EPS8L1: variants seen among roughly 807,000 people sequenced by gnomAD.
EPS8L1 encodes the protein EPS8 signaling adaptor L1.
A neutral mutation model predicts 91.7 loss-of-function variants in EPS8L1; 101 were observed. That is an observed-to-expected ratio of 1.10 (90% CI 0.94 to 1.30). The LOEUF is 1.30. EPS8L1 is among the 50% of genes most tolerant of loss of function. The pLI, the probability that EPS8L1 is intolerant of heterozygous loss-of-function variation, is 0.00. For missense variants in EPS8L1, 1,114 were observed against 1,017.0 expected, an observed-to-expected ratio of 1.10 and a Z score of -1.30; for synonymous variants, 506 against 445.3, an observed-to-expected ratio of 1.14 and a Z score of -1.72.
intron 19 of EPS8L1, 35 bp from the exon 20 acceptor site, chr19:55,087,493 C>T (rs745893794): frequency 5.0e-6 from 8 of 1,614,000 alleles, no homozygotes; most frequent in Non-Finnish European, 5.1e-6. Flanking sequence ...AGGGCTCGGA[C>T]GCCAGGACAA....
intron 2 of EPS8L1, among the ~76,000 whole-genome samples, chr19:55,077,267 TACC>T (rs1014195246): frequency 6.6e-6 from 1 of 152,172 alleles, no homozygotes; most frequent in Non-Finnish European, 1.5e-5. Flanking sequence ...CTACTTCAGA[TACC>T]ACTAATGCTA....
Position 55,086,784 on chromosome 19 carries a change from G to T in EPS8L1, c.1848G>T (p.Pro616=). 1.2e-6 allele frequency: 2 copies of T among 1,607,646 alleles called. No individual in the cohort carries two copies. The highest frequency in any genetic ancestry group is 2.2e-5 in the South Asian group (2 of 90,518). Residue 616 remains proline (P), a synonymous_variant, in exon 18 of 20, where the codon CCG becomes CCT. Transcript: ENST00000201647. Reference sequence around the variant, plus strand: ...GCCTGGCCCAGGGCCGCTCGGGACCGAGCCGCGCAGTCCCAGGGCCCCGCG... The same window carrying T: ...GCCTGGCCCAGGGCCGCTCGGGACCTAGCCGCGCAGTCCCAGGGCCCCGCG... The part of the protein sequence containing the change: ...QARLAQGRSG[P]SRAVPGPRAP...
At chr19:55,079,412 G>A (rs941485014) in intron 4 of EPS8L1, among the ~76,000 whole-genome samples, 5 of 152,120 alleles carry the variant, frequency 3.3e-5, no homozygotes, top group South Asian at 2.1e-4. Flanking sequence ...CAGGAGACCC[G>A]AGGAGGCATT....
chr19:55,083,707 A>G lies in EPS8L1; in HGVS notation c.1385+63A>G. 6.4e-7 allele frequency: 1 copy of G among 1,555,694 alleles called. No individual in the cohort carries two copies. The highest frequency in any genetic ancestry group is 1.4e-5 in the African/African-American group (1 of 73,688). On this transcript the variant is annotated intron_variant, in intron 14 of 19. Transcript: ENST00000201647. This position sits in a 1 kb window ranked among gnomAD's most constrained non-coding sequence, Gnocchi z 4.7. Reference sequence around the variant, plus strand: ...GAGGGGTGCGTCCCGGGGGCTCCCGATGCTGACTCCGCCCCCTTTTTTTCT... The same window carrying G: ...GAGGGGTGCGTCCCGGGGGCTCCCGGTGCTGACTCCGCCCCCTTTTTTTCT...
rs1422608568 is a variant in EPS8L1 at position 55,086,803 on chromosome 19, C to T, written c.1867C>T (p.Pro623Ser). Residue 623 changes from proline (P) to serine (S), a missense_variant, in exon 18 of 20, where the codon CCC becomes TCC. By Grantham distance (74) the Pro-to-Ser change is moderately conservative. Transcript: ENST00000201647. ...GGGACCGAGCCGCGCAGTCCCAGGG[C>T]CCCGCGCCCCGGAACCGCAGCTCAG... ...RSGPSRAVPG[P>S]RAPEPQLSPG... 34 of 1,595,422 alleles carry T rather than the reference C, an allele frequency of 2.1e-5. No homozygotes were observed. The highest frequency in any genetic ancestry group is 6.7e-5 in the South Asian group (6 of 89,356).
rs1226528434 is a variant in EPS8L1 at position 55,081,937 on chromosome 19, C to T, written c.901+38C>T. 1 of 1,593,186 alleles carries T rather than the reference C, an allele frequency of 6.3e-7. No homozygotes were observed. The highest frequency in any genetic ancestry group is 1.3e-5 in the African/African-American group (1 of 74,398). On this transcript the variant is annotated intron_variant, in intron 9 of 19. Coordinates refer to ENST00000201647, the MANE Select transcript of EPS8L1 (RefSeq NM_133180.3). This position sits in a 1 kb window ranked among gnomAD's most constrained non-coding sequence, Gnocchi z 4.9. ...CTGGCGTGGGATCTGAACCCCCTCC[C>T]GATCTCTTCCAAATGTCCCCGCTCT...
chr19:55,082,679 A>T, intron 12 of EPS8L1, 77 bp downstream of exon 12: 1 of 1,372,764 alleles, frequency 7.3e-7, no homozygotes, highest in Non-Finnish European at 9.8e-7. Flanking sequence ...TGGCATGATG[A>T]TTGGAAAATA....
At chr19:55,087,266 C>G in intron 18 of EPS8L1, 37 bp from the exon 19 acceptor site, 1 of 1,563,610 alleles carries the variant, frequency 6.4e-7, no homozygotes, top group Admixed American at 1.9e-5. Flanking sequence ...GGGCATCCGC[C>G]GACCGGCCTG....
At chr19:55,077,042 C>T (rs889989298) in intron 2 of EPS8L1, among the ~76,000 whole-genome samples, 15 of 152,078 alleles carry the variant, frequency 9.9e-5, no homozygotes, top group Non-Finnish European at 1.6e-4. Context: ...CTGGCAGGAG[C>T]AGGATGAGGA....
At position 55,081,076 on chromosome 19, in the gene EPS8L1, C is replaced by T; in HGVS notation, c.513-155C>T. 1 of 1,019,816 alleles carries T rather than the reference C, an allele frequency of 9.8e-7. No homozygotes were observed. Among genetic ancestry groups the T allele is most frequent in the Non-Finnish European group, 1.4e-6 (1 of 721,482 alleles). The allele number at this position is 1,019,816 out of a possible 1,614,324, so 63.2% of individuals were successfully genotyped here. ...CCCTCAGTTTCACTCTAGAGAGGTG[C>T]TATCCCTCCGTATATCGGATTTCTC... On this transcript the variant is annotated intron_variant, in intron 7 of 19. Transcript: ENST00000201647. The surrounding 1 kb of genome is among the most constrained non-coding windows in gnomAD (Gnocchi z 4.9).
chr19:55,076,546 C>T (rs2076139098), intron 2 of EPS8L1, 85 bp downstream of exon 2: 1 of 1,503,068 alleles, frequency 6.7e-7, no homozygotes, highest in Non-Finnish European at 9.1e-7. Flanking sequence ...TTGCGGCAGC[C>T]CAGACTGTTT....
chr19:55,080,225 G>A lies in EPS8L1; in HGVS notation c.376G>A (p.Glu126Lys), dbSNP rs1365602115. The change falls in exon 6 of 20, where the codon GAA becomes AAA. Residue 126 changes from glutamate to lysine, a missense_variant. By Grantham distance (56) the Glu-to-Lys change is moderately conservative. Transcript: ENST00000201647. The stretch of plus-strand genomic sequence containing the variant: ...CTCGTTGCTGCTGCTCGTGTGCCAG[G>A]AACCCGAGCGCGCGCAGCCCGACGT... ...SRSLLLLVCQ[E>K]PERAQPDVHF... is the part of the protein sequence containing the mutation. 6.5e-7 allele frequency: 1 copy of A among 1,538,558 alleles called. No homozygotes were observed. Among genetic ancestry groups the A allele is most frequent in the Admixed American group, 2.0e-5 (1 of 50,550 alleles).
Position 55,086,886 on chromosome 19 carries a change from C to T in EPS8L1, c.1950C>T (p.Ser650=), listed in dbSNP as rs1445619988. 5 of 1,432,354 alleles carry T rather than the reference C, an allele frequency of 3.5e-6. No homozygotes were observed. Among genetic ancestry groups the T allele is most frequent in the South Asian group, 1.5e-5 (1 of 66,856 alleles). 88.7% of individuals were successfully genotyped at this position (1,432,354 alleles called of 1,614,324 possible). A position where few individuals can be genotyped will look rare whatever the true frequency, so the allele number is the denominator to read the frequency against. Residue 650 remains serine, a splice_region_variant and synonymous_variant, in exon 18 of 20, where the codon TCC becomes TCT. Transcript: ENST00000201647. ...RAWLQAKGFS[S]GTVDALGVLT... ...GGCTGCAGGCCAAGGGCTTTAGCTC[C>T]GGGTGAGTGGGGCCGGGGCCCTCTC...
chr19:55,083,146 T>C lies in EPS8L1; in HGVS notation c.1215-232T>C, dbSNP rs2076306495. ...CCTGGCCTCAAGCGATCCTCCCATCTTGGCCTCCCAAAATGCTGGGATTAC... is the reference window on the plus strand; with the variant it reads ...CCTGGCCTCAAGCGATCCTCCCATCCTGGCCTCCCAAAATGCTGGGATTAC... On this transcript the variant is annotated intron_variant, in intron 12 of 19. Coordinates refer to ENST00000201647, the MANE Select transcript of EPS8L1 (RefSeq NM_133180.3). The surrounding 1 kb of genome is among the most constrained non-coding windows in gnomAD (Gnocchi z 4.7). 2.0e-5 allele frequency among the ~76,000 whole-genome samples: 3 copies of C among 152,358 alleles called. No individual in the cohort carries two copies. In the South Asian group the frequency reaches 6.2e-4, roughly 32 times the overall value.
rs75272733 is a variant in EPS8L1 at position 55,085,658 on chromosome 19, A to G, written c.1386-183A>G. On this transcript the variant is annotated intron_variant, in intron 14 of 19. Coordinates refer to ENST00000201647, the MANE Select transcript of EPS8L1 (RefSeq NM_133180.3). ...CTACATATGCCTACAGCACAATGCC[A>G]AGCAACGGAGGGAGCAAATATATTC... The G allele has an allele frequency of 7.6e-3, 5,038 of 659,144 alleles. 172 individuals carry two copies. The African/African-American group carries it at 0.082, about 11-fold the overall frequency. 40.8% of individuals were successfully genotyped at this position (659,144 alleles called of 1,614,324 possible).
Position 55,078,992 on chromosome 19 carries a change from C to T in EPS8L1, c.59-7C>T, listed in dbSNP as rs1181254218. ...CTCCCAGGCTCATTCTCTTTCTCCC[C>T]TGGCAGAGCAGAGGAAGCGTTACTC... On this transcript the variant is annotated splice_polypyrimidine_tract_variant and splice_region_variant and intron_variant, in intron 3 of 19. Coordinates refer to ENST00000201647, the MANE Select transcript of EPS8L1 (RefSeq NM_133180.3). The T allele has an allele frequency of 6.2e-7, 1 of 1,613,736 alleles. No homozygotes were observed. The highest frequency in any genetic ancestry group is 2.2e-5 in the East Asian group (1 of 44,864).
Position 55,084,600 on chromosome 19 carries a change from G to A in EPS8L1, c.1385+956G>A, listed in dbSNP as rs1244263575. ...TGCTGGGAGCTGCCGGCCCCACACA[G>A]GGGGTGCCGCGGCCCTGAAGACCCC... On this transcript the variant is annotated intron_variant, in intron 14 of 19. Coordinates refer to ENST00000201647, the MANE Select transcript of EPS8L1 (RefSeq NM_133180.3). 7 of 152,358 alleles carry A rather than the reference G, an allele frequency of 4.6e-5. No homozygotes were observed. The East Asian group carries it at 7.7e-4, about 17-fold the overall frequency. The allele number at this position is 152,358 out of a possible 1,614,324, so 9.4% of individuals were successfully genotyped here. A position where few individuals can be genotyped will look rare whatever the true frequency, so the allele number is the denominator to read the frequency against.
At chr19:55,086,636 C>CCCCCCCCCCCCCCCCCCCCGGGCCCCCGG in intron 17 of EPS8L1, 78 bp from the exon 18 acceptor site, 1 of 956,964 alleles carries the variant, frequency 1.0e-6, no homozygotes, top group Non-Finnish European at 1.4e-6. Flanking sequence ...CGCTGGAGCG[C>CCCCCCCCCCCCCCCCCCCCGGGCCCCCGG]CCCCCCGCCC....
At position 55,081,389 on chromosome 19, in the gene EPS8L1, A is replaced by G; in HGVS notation, c.671A>G (p.Gln224Arg). The part of the protein sequence containing the change: ...AKPIPEAEEA[Q>R]RPEPVGTSSN... The stretch of plus-strand genomic sequence containing the variant: ...CCCATTCCCGAGGCAGAGGAGGCGC[A>G]GAGGCCTGAGCCGGTGGGGACCTCG... Residue 224 changes from glutamine (Q) to arginine (R), a missense_variant, in exon 8 of 20, where the codon CAG (glutamine) becomes CGG (arginine). Physicochemically the swap from Gln to Arg is conservative, Grantham distance 43 (BLOSUM62 1). Transcript: ENST00000201647. The surrounding 1 kb of genome is among the most constrained non-coding windows in gnomAD (Gnocchi z 4.9). 2.5e-6 allele frequency: 4 copies of G among 1,584,126 alleles called. No homozygotes were observed. The highest frequency in any genetic ancestry group is 3.4e-6 in the Non-Finnish European group (4 of 1,167,614).
Sources: allele counts gnomAD v4.1 joint callset (sites outside exome capture counted in the v4.1 genomes callset), GRCh38; gene constraint gnomAD v4.1.1; non-coding constraint Gnocchi (gnomAD v3.1); transcripts MANE v1.5; gene names NCBI Gene and HGNC (gene_info 2026-07-23, HGNC 2026-07-21).